OR9Q1: variants seen among roughly 807,000 people sequenced by gnomAD.
OR9Q1 encodes olfactory receptor 9Q1.
For missense variants in OR9Q1, 374 were observed against 378.8 expected, an observed-to-expected ratio of 0.99 and a Z score of 0.11; for synonymous variants, 153 against 148.6, an observed-to-expected ratio of 1.03 and a Z score of -0.22.
chr11:58,171,532 G>C (rs1854554921), intron 2 of OR9Q1: 1 of 152,228 alleles, frequency 6.6e-6, no homozygotes, highest in African/African-American at 2.4e-5. Flanking sequence ...CAGAACTGCA[G>C]TTCGGTTGAT....
At chr11:58,086,562 T>C (rs767918827) in intron 2 of OR9Q1, among the ~76,000 whole-genome samples, 12 of 151,916 alleles carry the variant, frequency 7.9e-5, no homozygotes, top group Non-Finnish European at 1.8e-4. Context: ...CATCCCATGT[T>C]CATTGAATCA....
chr11:58,073,181 G>T, intron 2 of OR9Q1: 1 of 224,998 alleles, frequency 4.4e-6, no homozygotes, highest in South Asian at 8.3e-5. Flanking sequence ...CACAATGAAT[G>T]ACAAACCGGC....
At chr11:58,125,241 C>G (rs1050778722) in intron 2 of OR9Q1, 1 of 104,438 alleles carries the variant, frequency 9.6e-6, no homozygotes, top group Non-Finnish European at 1.8e-5. Flanking sequence ...TACCCACCGC[C>G]CCCCCCCCAA....
chr11:58,053,632 A>ATATATATATAAATTATATATATAT (rs1554965507), intron 1 of OR9Q1, among the ~76,000 whole-genome samples: 11 of 118,678 alleles, frequency 9.3e-5, no homozygotes, highest in Admixed American at 1.8e-4. Context: ...TATATAAAAT[A>ATATATATATAAATTATATATATAT]TATATATATA....
chr11:58,033,587 A>T (rs2514187), intron 1 of OR9Q1, among the ~76,000 whole-genome samples: 50,498 of 151,886 alleles, frequency 0.33, 8,813 homozygotes, highest in East Asian at 0.68. Flanking sequence ...GGAATAAGAG[A>T]TACTGGGGAC....
chr11:58,088,411 T>C (rs1295600900), intron 2 of OR9Q1, among the ~76,000 whole-genome samples: 1 of 151,962 alleles, frequency 6.6e-6, no homozygotes, highest in African/African-American at 2.4e-5. Context: ...TCTTCCATAA[T>C]AGGTGAACTA....
intron 2 of OR9Q1, among the ~76,000 whole-genome samples, chr11:58,151,091 A>G (rs1195012392): frequency 6.6e-6 from 1 of 152,182 alleles, no homozygotes; most frequent in Non-Finnish European, 1.5e-5. Flanking sequence ...TTGTATGGGT[A>G]TGCCACATGC....
intron 2 of OR9Q1, among the ~76,000 whole-genome samples, chr11:58,176,299 C>T (rs886961460): frequency 1.1e-4 from 16 of 152,254 alleles, no homozygotes; most frequent in Non-Finnish European, 1.3e-4. Context: ...TTAAACCCCA[C>T]TCAGTGGGTG....
chr11:58,119,999 C>T, intron 2 of OR9Q1, among the ~76,000 whole-genome samples: 1 of 152,166 alleles, frequency 6.6e-6, no homozygotes, highest in South Asian at 2.1e-4. Flanking sequence ...GCCCACCATT[C>T]CCTTATAGTA....
chr11:58,096,547 C>T (rs1008183258), intron 2 of OR9Q1, among the ~76,000 whole-genome samples: 16 of 152,148 alleles, frequency 1.1e-4, no homozygotes, highest in African/African-American at 3.9e-4. Flanking sequence ...TGGAGTCTTG[C>T]TGTGTCACCC....
At chr11:58,119,249 G>A (rs918291445) in intron 2 of OR9Q1, 1 of 1,613,854 alleles carries the variant, frequency 6.2e-7, no homozygotes, top group Non-Finnish European at 8.5e-7. Flanking sequence ...AGCAGGGAGA[G>A]GTGGCTCAGG....
chr11:58,118,741 GC>G, intron 2 of OR9Q1: 1 of 1,614,070 alleles, frequency 6.2e-7, no homozygotes, highest in East Asian at 2.2e-5. Context: ...GAAAGTCTTG[GC>G]CCTGCCACCT....
At chr11:58,038,908 C>T (rs1168579506) in intron 1 of OR9Q1, among the ~76,000 whole-genome samples, 1 of 152,102 alleles carries the variant, frequency 6.6e-6, no homozygotes, top group Admixed American at 6.6e-5. Flanking sequence ...TAGGGTGTGT[C>T]TGTCAAAATG....
chr11:58,030,333 AT>A (rs1853019127), intron 1 of OR9Q1, among the ~76,000 whole-genome samples: 1 of 151,994 alleles, frequency 6.6e-6, no homozygotes, highest in African/African-American at 2.4e-5. Flanking sequence ...AGAAACAGTC[AT>A]TTTCTCTCTG....
chr11:58,030,541 G>T (rs2119909582), intron 1 of OR9Q1, among the ~76,000 whole-genome samples: 1 of 152,244 alleles, frequency 6.6e-6, no homozygotes, highest in East Asian at 1.9e-4. Flanking sequence ...GTCTCTACTT[G>T]AAGTTTCCCC....
At chr11:58,047,717 C>CAA in intron 1 of OR9Q1, among the ~76,000 whole-genome samples, 1 of 144,068 alleles carries the variant, frequency 6.9e-6, no homozygotes, top group African/African-American at 2.6e-5. Flanking sequence ...ACTAATGATA[C>CAA]AAAAAAAAAA....
chr11:58,088,353 G>A (rs1853653134), intron 2 of OR9Q1, among the ~76,000 whole-genome samples: 1 of 151,780 alleles, frequency 6.6e-6, no homozygotes, highest in Non-Finnish European at 1.5e-5. Context: ...GGGATTGCTG[G>A]GTCAAATGGT....
chr11:58,034,340 G>T (rs1387088004), intron 1 of OR9Q1, among the ~76,000 whole-genome samples: 1 of 151,758 alleles, frequency 6.6e-6, no homozygotes, highest in Non-Finnish European at 1.5e-5. Context: ...GCCCACCTCG[G>T]CCTCCCAAAG....
At chr11:58,077,849 C>T (rs12363350) in intron 2 of OR9Q1, 37,498 of 151,990 alleles carry the variant, frequency 0.25, 5,244 homozygotes, top group East Asian at 0.58. Context: ...GCATTCACCA[C>T]GTTCACCATC....
Sources: allele counts gnomAD v4.1 joint callset (sites outside exome capture counted in the v4.1 genomes callset), GRCh38; gene constraint gnomAD v4.1.1; transcripts MANE v1.5; gene names NCBI Gene and HGNC (gene_info 2026-07-23, HGNC 2026-07-21).